PPM1H: variants seen among roughly 807,000 people sequenced by gnomAD.
PPM1H encodes protein phosphatase 1H.
PPM1H carries 27 observed loss-of-function variants against 54.9 expected under a neutral mutation model. That is an observed-to-expected ratio of 0.49 (90% CI 0.36 to 0.68). The LOEUF is 0.68. Ranked by LOEUF, PPM1H falls within the 30% of genes least tolerant of loss-of-function variation. The probability of loss-of-function intolerance (pLI) is 0.00; values close to 1 mark genes in which losing one functional copy is unlikely to be tolerated. For missense variants in PPM1H, 596 were observed against 667.8 expected, an observed-to-expected ratio of 0.89 and a Z score of 1.19; for synonymous variants, 305 against 270.8, an observed-to-expected ratio of 1.13 and a Z score of -1.24.
At chr12:62,818,815 CTTTT>C (rs1221809851) in intron 2 of PPM1H, among the ~76,000 whole-genome samples, 1 of 145,416 alleles carries the variant, frequency 6.9e-6, no homozygotes, top group Non-Finnish European at 1.5e-5. Context: ...GTTGCTTTTT[CTTTT>C]TCTTTTTTTT....
chr12:62,726,960 G>A (rs1367675911), intron 5 of PPM1H, among the ~76,000 whole-genome samples: 6 of 152,034 alleles, frequency 3.9e-5, no homozygotes, highest in Non-Finnish European at 8.8e-5. Flanking sequence ...TGTCACCCAG[G>A]CTGTAATGCA....
intron 6 of PPM1H, among the ~76,000 whole-genome samples, chr12:62,709,344 C>T (rs374933882): frequency 6.6e-6 from 1 of 152,198 alleles, no homozygotes; most frequent in African/African-American, 2.4e-5. Flanking sequence ...CCTGGCACAG[C>T]AGGGAGGCTT....
At chr12:62,873,716 G>A (rs1870065816) in intron 1 of PPM1H, among the ~76,000 whole-genome samples, 1 of 152,202 alleles carries the variant, frequency 6.6e-6, no homozygotes, top group African/African-American at 2.4e-5. Context: ...TATATATGAT[G>A]CATCAGGCTG....
intron 6 of PPM1H, among the ~76,000 whole-genome samples, chr12:62,696,856 G>A (rs552297059): frequency 3.3e-5 from 5 of 152,228 alleles, no homozygotes; most frequent in East Asian, 1.9e-4. Context: ...GGACTTTTCC[G>A]GAAAACATGA....
intron 1 of PPM1H, among the ~76,000 whole-genome samples, chr12:62,927,306 A>G (rs1032990747): frequency 7.9e-5 from 12 of 152,214 alleles, no homozygotes; most frequent in Non-Finnish European, 1.5e-4. Flanking sequence ...CTAAATGTTC[A>G]ATGGGAGATT....
intron 1 of PPM1H, among the ~76,000 whole-genome samples, chr12:62,927,502 A>G (rs1370632876): frequency 1.3e-5 from 2 of 151,964 alleles, no homozygotes; most frequent in East Asian, 3.9e-4. Flanking sequence ...TCTACTAAAA[A>G]TACAAAAAAA....
chr12:62,722,764 T>G (rs1326157684), intron 5 of PPM1H, among the ~76,000 whole-genome samples: 1 of 152,120 alleles, frequency 6.6e-6, no homozygotes, highest in Non-Finnish European at 1.5e-5. Context: ...ACAAAAGAAT[T>G]CTATGGTGTC....
intron 4 of PPM1H, among the ~76,000 whole-genome samples, chr12:62,766,760 G>A (rs1286237341): frequency 1.3e-5 from 2 of 152,214 alleles, no homozygotes; most frequent in Non-Finnish European, 2.9e-5. Context: ...GAGGCACATG[G>A]CATAAGCAAG....
intron 1 of PPM1H, among the ~76,000 whole-genome samples, chr12:62,884,406 T>A (rs1327103551): frequency 4.2e-5 from 6 of 142,340 alleles, no homozygotes; most frequent in African/African-American, 1.6e-4. Flanking sequence ...GAAGCTGAGG[T>A]AGGAGAATCA....
chr12:62,914,870 C>T (rs972687113), intron 1 of PPM1H, among the ~76,000 whole-genome samples: 1 of 152,138 alleles, frequency 6.6e-6, no homozygotes, highest in Non-Finnish European at 1.5e-5. Flanking sequence ...TTCCTTATTC[C>T]CAAACAGTCC....
intron 1 of PPM1H, among the ~76,000 whole-genome samples, chr12:62,852,218 G>A (rs1013419160): frequency 8.0e-6 from 1 of 124,840 alleles, no homozygotes; most frequent in African/African-American, 3.3e-5. Context: ...GACAGAGCGA[G>A]ACTCTGTCTC....
At chr12:62,691,669 C>T (rs1308904189) in intron 7 of PPM1H, among the ~76,000 whole-genome samples, 1 of 151,948 alleles carries the variant, frequency 6.6e-6, no homozygotes, top group East Asian at 1.9e-4. Flanking sequence ...ACAAAAAATA[C>T]AAAAATTAGC....
chr12:62,730,117 C>T (rs546092094), intron 5 of PPM1H, among the ~76,000 whole-genome samples: 1 of 152,070 alleles, frequency 6.6e-6, no homozygotes, highest in East Asian at 1.9e-4. Flanking sequence ...TTTACCTACC[C>T]GAATCCTATA....
In PPM1H at chr12:62,934,726, C is replaced by T. The variant is rs752812136; in HGVS notation, c.11G>A (p.Arg4Gln). ...GAAATTGGCCACGGCAGATTTCACT[C>T]GAGTGAGCATATTACTCCGGCGCCC... MLT[R>Q]VKSAVANFMG... The change falls in exon 1 of 10, where the codon CGA (arginine) becomes CAA (glutamine). Residue 4 changes from arginine (R) to glutamine (Q), a missense_variant. This residue lies in a region of PPM1H where 382 missense variants were observed against 387.1 expected (regional missense o/e 0.99). Transcript: ENST00000228705. This position sits in a 1 kb window ranked among gnomAD's most constrained non-coding sequence, Gnocchi z 4.2. 1.3e-6 allele frequency: 2 copies of T among 1,598,854 alleles called. No individual in the cohort carries two copies. Among genetic ancestry groups the T allele is most frequent in the East Asian group, 2.3e-5 (1 of 44,096 alleles).
At chr12:62,649,580 C>T (rs1248134374) in intron 9 of PPM1H, among the ~76,000 whole-genome samples, 1 of 152,158 alleles carries the variant, frequency 6.6e-6, no homozygotes, top group Non-Finnish European at 1.5e-5. Context: ...GTTCCACTGG[C>T]AGGGTCATAT....
intron 1 of PPM1H, among the ~76,000 whole-genome samples, chr12:62,898,816 A>T (rs1273847206): frequency 6.6e-6 from 1 of 152,194 alleles, no homozygotes; most frequent in East Asian, 1.9e-4. Flanking sequence ...GCTCTGTGGC[A>T]ATCTGCTTTC....
intron 1 of PPM1H, among the ~76,000 whole-genome samples, chr12:62,900,084 T>C (rs942274349): frequency 1.3e-5 from 2 of 152,190 alleles, no homozygotes; most frequent in African/African-American, 2.4e-5. Flanking sequence ...TTTCTGTTGT[T>C]TATAAGCACC....
intron 8 of PPM1H, among the ~76,000 whole-genome samples, chr12:62,680,036 A>G (rs1326907750): frequency 6.6e-6 from 1 of 152,178 alleles, no homozygotes; most frequent in Non-Finnish European, 1.5e-5. Context: ...CTGTACAAGC[A>G]TGTTATTCTT....
intron 1 of PPM1H, among the ~76,000 whole-genome samples, chr12:62,906,975 GA>G (rs1871320363): frequency 2.0e-5 from 3 of 152,362 alleles, no homozygotes; most frequent in Admixed American, 1.3e-4. Context: ...CAGATGTGGA[GA>G]GGGGTGAAAA....
Sources: gnomAD v4.1 joint callset for allele counts (sites outside exome capture counted in the v4.1 genomes callset) on GRCh38, gnomAD v4.1.1 for gene constraint, gnomAD v4.1.1 regional missense constraint, Gnocchi (gnomAD v3.1) non-coding constraint, MANE v1.5 for transcripts, NCBI Gene and HGNC (gene_info 2026-07-23, HGNC 2026-07-21) for gene names.